Variants in TCN2 observed in about 807,000 individuals in gnomAD.
TCN2 encodes the protein transcobalamin-2.
Under a neutral mutation model 48.6 loss-of-function variants are expected in TCN2, and 34 were observed. That is an observed-to-expected ratio of 0.70 (90% CI 0.53 to 0.93). The LOEUF (loss-of-function observed/expected upper bound fraction) is 0.93, where lower values mean the gene tolerates loss of function less well. Ranked by LOEUF, TCN2 falls within the 40% of genes least tolerant of loss-of-function variation. The pLI is 0.00. For missense variants in TCN2, 652 were observed against 526.1 expected (o/e 1.24, Z -2.34); for synonymous variants, 283 against 212.5 (o/e 1.33, Z -2.89).
chr22:30,613,550 AT>A (rs1470032283), intron 3 of TCN2, among the ~76,000 whole-genome samples: 1 of 152,162 alleles, frequency 6.6e-6, no homozygotes, highest in Non-Finnish European at 1.5e-5. Flanking sequence ...AAGTGCTGGG[AT>A]TACAGGCATG....
At position 30,625,213 on chromosome 22, in the gene TCN2, C is replaced by T. The variant is rs189184289; in HGVS notation, c.1223-1247C>T. 8.8e-4 allele frequency among the ~76,000 whole-genome samples: 134 copies of T among 152,236 alleles called. No homozygotes were observed. In the Middle Eastern group the frequency reaches 0.01, roughly 12 times the overall value. On this transcript the variant is annotated intron_variant, in intron 8 of 8. Coordinates refer to ENST00000215838, the MANE Select transcript of TCN2 (RefSeq NM_000355.4). ...AGCCTGGGCAACAAGAGTGAAACTC[C>T]ATCTCAAAATGAAATAAAATAACAG...
At chr22:30,611,203 C>T in intron 2 of TCN2, 140 bp downstream of exon 2, 2 of 1,017,082 alleles carry the variant, frequency 2.0e-6, no homozygotes, top group Non-Finnish European at 3.0e-6. Flanking sequence ...GGACCTTTGT[C>T]CATCTATAGA....
In TCN2 at chr22:30,623,205, T is replaced by G. The variant is rs181021101; in HGVS notation, c.1222+122T>G. On this transcript the variant is annotated intron_variant, in intron 8 of 8. Coordinates refer to ENST00000215838, the MANE Select transcript of TCN2 (RefSeq NM_000355.4). Reference sequence around the variant, plus strand: ...CTGGGCCACACCTTCACAAAATCACTGATGCTCAAAGTTGGATATAATATA... The same window carrying G: ...CTGGGCCACACCTTCACAAAATCACGGATGCTCAAAGTTGGATATAATATA... 1.7e-4 allele frequency: 152 copies of G among 880,136 alleles called. No individual in the cohort carries two copies. The African/African-American group carries it at 2.3e-3, about 13-fold the overall frequency. 54.5% of individuals were successfully genotyped at this position (880,136 alleles called of 1,614,324 possible).
rs747673857 is a variant in TCN2 at position 30,614,332 on chromosome 22, GT to G, written c.428-10del. The G allele has an allele frequency of 2.5e-6, 4 of 1,613,766 alleles. No individual in the cohort carries two copies. The highest frequency in any genetic ancestry group is 1.1e-5 in the South Asian group (1 of 91,044). ...GTGGGGGCAGAGAGGCAACCCCTCTGTTTTTTTCCCTCTCAGGGCATGATCA... is the reference window on the plus strand; with the variant it reads ...GTGGGGGCAGAGAGGCAACCCCTCTGTTTTTTCCCTCTCAGGGCATGATCA... On this transcript the variant is annotated splice_polypyrimidine_tract_variant and intron_variant, in intron 3 of 8. Transcript: ENST00000215838.
In TCN2 at chr22:30,610,193, A is replaced by G. The variant is rs546872932; in HGVS notation, c.65-678A>G. On this transcript the variant is annotated intron_variant, in intron 1 of 8. Transcript: ENST00000215838. ...CGGCTGCAAGCTGTGACTGTTTTCT[A>G]AGAGCTCATCTCACAATCTCAGGTC... is the stretch of plus-strand genomic sequence containing the variant. The G allele has an allele frequency of 1.1e-3, 530 of 470,600 alleles. 7 individuals carry two copies. Among genetic ancestry groups the G allele is most frequent in the South Asian group, 8.0e-3 (516 of 64,378 alleles). The allele number at this position is 470,600 out of a possible 1,614,324, so 29.2% of individuals were successfully genotyped here. A position where few individuals can be genotyped will look rare whatever the true frequency, so the allele number is the denominator to read the frequency against.
Position 30,615,389 on chromosome 22 carries a change from C to T in TCN2, c.669C>T (p.Ile223=). The change falls in exon 5 of 9, where the codon ATC becomes ATT. Residue 223 remains isoleucine (I), a synonymous_variant. Transcript: ENST00000215838. Reference sequence around the variant, plus strand: ...GGAGACAACGGATCACCATGGCCATCAGAACAGTGCGAGAGGAGATCTTGA... The same window carrying T: ...GGAGACAACGGATCACCATGGCCATTAGAACAGTGCGAGAGGAGATCTTGA... ...PGRRQRITMA[I]RTVREEILKA... 1 of 1,614,176 alleles carries T rather than the reference C, an allele frequency of 6.2e-7. No homozygotes were observed. Among genetic ancestry groups the T allele is most frequent in the South Asian group, 1.1e-5 (1 of 91,088 alleles).
chr22:30,618,501 G>A (rs1364336459), intron 7 of TCN2, among the ~76,000 whole-genome samples: 2 of 152,096 alleles, frequency 1.3e-5, no homozygotes, highest in Admixed American at 6.6e-5. Flanking sequence ...ACAGGCGCGT[G>A]CCACCATGCC....
intron 8 of TCN2, 60 bp downstream of exon 8, chr22:30,623,143 G>C (rs2087722866): frequency 1.9e-6 from 3 of 1,575,228 alleles, no homozygotes; most frequent in Non-Finnish European, 1.7e-6. Flanking sequence ...CAGCCAAGAG[G>C]CTTCATCAAC....
intron 1 of TCN2, 56 bp downstream of exon 1, chr22:30,607,451 G>A: frequency 6.2e-7 from 1 of 1,603,960 alleles, no homozygotes; most frequent in Non-Finnish European, 8.5e-7. Context: ...TAGTGGGGTG[G>A]CTAGGGCATA....
chr22:30,623,997 CATATATATGT>C (rs1569047094), intron 8 of TCN2, among the ~76,000 whole-genome samples: 1 of 63,498 alleles, frequency 1.6e-5, no homozygotes, highest in Admixed American at 1.9e-4. Flanking sequence ...TATATACACA[CATATATATGT>C]ATACATATAT....
intron 7 of TCN2, among the ~76,000 whole-genome samples, chr22:30,620,862 A>T (rs1664265590): frequency 6.6e-6 from 1 of 152,156 alleles, no homozygotes; most frequent in Non-Finnish European, 1.5e-5. Context: ...ACACAGATAG[A>T]CAGATGTGGA....
intron 8 of TCN2, among the ~76,000 whole-genome samples, chr22:30,623,713 C>CATATAT (rs2087734800): frequency 2.0e-5 from 2 of 97,634 alleles, no homozygotes; most frequent in African/African-American, 4.5e-5. Context: ...TATATATATA[C>CATATAT]AGACACACAT....
In TCN2 at chr22:30,619,772, C is replaced by T. The variant is rs556508899; in HGVS notation, c.1106+2277C>T. 2.6e-5 allele frequency among the ~76,000 whole-genome samples: 4 copies of T among 152,292 alleles called. No individual in the cohort carries two copies. In the South Asian group the frequency reaches 8.3e-4, roughly 32 times the overall value. On this transcript the variant is annotated intron_variant, in intron 7 of 8. Transcript: ENST00000215838. ...CTCAGACCGGAGAAATGCAAAGACTCCTCTGAAGTACAAACATTCTCCCAG... is the reference window on the plus strand; with the variant it reads ...CTCAGACCGGAGAAATGCAAAGACTTCTCTGAAGTACAAACATTCTCCCAG...
At chr22:30,609,735 C>T (rs2087507396) in intron 1 of TCN2, among the ~76,000 whole-genome samples, 3 of 152,172 alleles carry the variant, frequency 2.0e-5, no homozygotes, top group African/African-American at 2.4e-5. Flanking sequence ...AGCAACCCCC[C>T]AGTCTCTCTT....
intron 1 of TCN2, among the ~76,000 whole-genome samples, chr22:30,608,663 T>C (rs1328148186): frequency 6.6e-6 from 1 of 151,998 alleles, no homozygotes; most frequent in African/African-American, 2.4e-5. Flanking sequence ...TTGCTGAGAT[T>C]ACAGGCGTGA....
rs1049460608 is a variant in TCN2 at position 30,615,377 on chromosome 22, C to G, written c.657C>G (p.Ile219Met). ...TCAACCCTGGTCGGAGACAACGGATCACCATGGCCATCAGAACAGTGCGAG... is the reference window on the plus strand; with the variant it reads ...TCAACCCTGGTCGGAGACAACGGATGACCATGGCCATCAGAACAGTGCGAG... ...SNFNPGRRQR[I>M]TMAIRTVREE... is the part of the protein sequence containing the mutation. Residue 219 changes from isoleucine to methionine, a missense_variant, in exon 5 of 9, where the codon ATC becomes ATG. Ile to Met is a conservative substitution (Grantham distance 10, BLOSUM62 1). Transcript: ENST00000215838. 2.5e-6 allele frequency: 4 copies of G among 1,614,086 alleles called. No individual in the cohort carries two copies. In the African/African-American group the frequency reaches 5.3e-5, roughly 22 times the overall value.
chr22:30,611,332 G>A (rs537402020), intron 2 of TCN2, among the ~76,000 whole-genome samples: 107 of 152,304 alleles, frequency 7.0e-4, no homozygotes, highest in African/African-American at 2.0e-3. Flanking sequence ...TTGATGATGA[G>A]CCCAGGAGCA....
At chr22:30,620,506 A>G (rs558507608) in intron 7 of TCN2, among the ~76,000 whole-genome samples, 25 of 152,294 alleles carry the variant, frequency 1.6e-4, no homozygotes, top group Non-Finnish European at 2.5e-4. Flanking sequence ...TATGAGGGCC[A>G]CCTCCGTTTC....
At chr22:30,626,020 C>T (rs1440821746) in intron 8 of TCN2, among the ~76,000 whole-genome samples, 1 of 152,192 alleles carries the variant, frequency 6.6e-6, no homozygotes, top group African/African-American at 2.4e-5. Context: ...GCGACACTCA[C>T]TCAGAGGTTA....
Sources: allele counts gnomAD v4.1 joint callset (sites outside exome capture counted in the v4.1 genomes callset), GRCh38; gene constraint gnomAD v4.1.1; transcripts MANE v1.5; gene names NCBI Gene and HGNC (gene_info 2026-07-23, HGNC 2026-07-21).